The following ARHGAP20 variants were observed in gnomAD, a reference collection of about 807,000 sequenced individuals.
The protein encoded by ARHGAP20 is rho GTPase-activating protein 20.
A neutral mutation model predicts 73.7 loss-of-function variants in ARHGAP20; 34 were observed. The ratio of observed to expected loss-of-function variants is 0.46; its 90% CI spans 0.35 to 0.61. The LOEUF (loss-of-function observed/expected upper bound fraction) is 0.61. Among genes scored for constraint, ARHGAP20 ranks in the 20% least tolerant of loss-of-function variants. ARHGAP20 has a pLI of 0.00. For synonymous variants in ARHGAP20, 523 were observed against 518.2 expected, an observed-to-expected ratio of 1.01 and a Z score of -0.13; for missense variants, 1,314 against 1,420.9, an observed-to-expected ratio of 0.92 and a Z score of 1.21.
rs182236135 is a variant in ARHGAP20 at position 110,666,790 on chromosome 11, T to A, written c.188+23757A>T. 4.6e-5 allele frequency among the ~76,000 whole-genome samples: 7 copies of A among 152,340 alleles called. No individual in the cohort carries two copies. In the East Asian group the frequency reaches 1.3e-3, roughly 29 times the overall value. Reference sequence around the variant, plus strand: ...TCAGTAATCTTTGATGTTACTATTGTAATTGTTTTGGGGCACTGTGAATTA... The same window carrying A: ...TCAGTAATCTTTGATGTTACTATTGAAATTGTTTTGGGGCACTGTGAATTA... On this transcript the variant is annotated intron_variant, in intron 2 of 14. Transcript: ENST00000683387.
At chr11:110,701,812 T>G (rs1229240127) in intron 1 of ARHGAP20, among the ~76,000 whole-genome samples, 2 of 151,992 alleles carry the variant, frequency 1.3e-5, no homozygotes, top group African/African-American at 4.8e-5. Flanking sequence ...GCTAGCCAGT[T>G]TTCCCAGCAC....
intron 4 of ARHGAP20, among the ~76,000 whole-genome samples, chr11:110,623,748 G>A (rs565004164): frequency 3.3e-5 from 5 of 152,034 alleles, no homozygotes; most frequent in Non-Finnish European, 7.4e-5. Context: ...AGCTCAATAC[G>A]TAAAACAAAT....
intron 9 of ARHGAP20, among the ~76,000 whole-genome samples, chr11:110,603,289 T>C (rs921589045): frequency 2.6e-5 from 4 of 152,172 alleles, no homozygotes; most frequent in Non-Finnish European, 5.9e-5. Context: ...AGGGCCCAGA[T>C]TGAACTTGTT....
chr11:110,640,711 T>A lies in ARHGAP20; in HGVS notation c.189-9919A>T, dbSNP rs1949059922. The stretch of plus-strand genomic sequence containing the variant: ...ATAACATGTAGTGATTATAACAATG[T>A]GATTGTATGTAATATGTACTGTAAC... On this transcript the variant is annotated intron_variant, in intron 2 of 14. Coordinates refer to ENST00000683387, the MANE Select transcript of ARHGAP20 (RefSeq NM_001384657.1). Among the ~76,000 whole-genome samples the A allele has an allele frequency of 2.1e-5, 3 of 143,664 alleles. No individual in the cohort carries two copies. In the South Asian group the frequency reaches 6.4e-4, roughly 31 times the overall value. The allele number at this position is 143,664 out of a possible 152,430, so 94.2% of individuals were successfully genotyped here.
intron 4 of ARHGAP20, 25 bp downstream of exon 4, chr11:110,624,133 GTAAA>G: frequency 1.3e-6 from 2 of 1,599,820 alleles, no homozygotes; most frequent in Non-Finnish European, 1.7e-6. Context: ...GCTAACCCAG[GTAAA>G]TAGAGGACAA....
rs544289695 is a variant in ARHGAP20, at chr11:110,702,504, C to G, written c.105+9623G>C. Among the ~76,000 whole-genome samples the G allele has an allele frequency of 2.0e-5, 3 of 152,274 alleles. No individual in the cohort carries two copies. The South Asian group carries it at 6.2e-4, about 32-fold the overall frequency. On this transcript the variant is annotated intron_variant, in intron 1 of 14. Transcript: ENST00000683387. ...ACAGGGATGCCCTCTCTCACCATTC[C>G]TATTCAACATAGTGTTGGAAGTTCT...
chr11:110,625,358 A>C (rs1948722278), intron 3 of ARHGAP20, among the ~76,000 whole-genome samples: 1 of 152,146 alleles, frequency 6.6e-6, no homozygotes. Flanking sequence ...AAATGTTTAT[A>C]AAATTTTCAT....
intron 2 of ARHGAP20, among the ~76,000 whole-genome samples, chr11:110,678,961 C>T (rs995890888): frequency 2.6e-5 from 4 of 152,212 alleles, no homozygotes; most frequent in Non-Finnish European, 4.4e-5. Flanking sequence ...CCACTGTACC[C>T]GGCCAAACAA....
Position 110,577,083 on chromosome 11 carries a change from G to A in ARHGAP20, c.*2287C>T, listed in dbSNP as rs946793787. The A allele has an allele frequency of 5.9e-6, 9 of 1,514,738 alleles. No homozygotes were observed. Among genetic ancestry groups the A allele is most frequent in the Middle Eastern group, 1.8e-4 (1 of 5,590 alleles). 93.8% of individuals were successfully genotyped at this position (1,514,738 alleles called of 1,614,324 possible). ...AGAATGGCATTTTATTTAACAGACA[G>A]CATGGACTTCATACATATCCATTAT... On this transcript the variant is annotated 3_prime_UTR_variant, in exon 15 of 15. Coordinates refer to ENST00000683387, the MANE Select transcript of ARHGAP20 (RefSeq NM_001384657.1).
rs149514977 is a variant in ARHGAP20 at position 110,579,729 on chromosome 11, G to T, written c.3217C>A (p.Pro1073Thr). Reference sequence around the variant, plus strand: ...GGAACACCAGAAGCATGTGGGGGTGGCTCTAAGGGTCCTTTTGGAGAAGCT... The same window carrying T: ...GGAACACCAGAAGCATGTGGGGGTGTCTCTAAGGGTCCTTTTGGAGAAGCT... ...KIASPKGPLE[P>T]PPHASGVPEA... The change falls in exon 15 of 15, where the codon CCA (proline) becomes ACA (threonine). Residue 1073 changes from proline to threonine, a missense_variant. Around this residue, in one of 3 missense-constraint regions of ARHGAP20, gnomAD observed 641 missense variants for 636.9 expected, o/e 1.01. Coordinates refer to ENST00000683387, the MANE Select transcript of ARHGAP20 (RefSeq NM_001384657.1). The T allele has an allele frequency of 2.5e-6, 4 of 1,614,052 alleles. No homozygotes were observed. In the Admixed American group the frequency reaches 6.7e-5, roughly 27 times the overall value.
At position 110,583,704 on chromosome 11, in the gene ARHGAP20, A is replaced by C. The variant is rs1230028645; in HGVS notation, c.1449T>G (p.Val483=). 7 of 1,599,280 alleles carry C rather than the reference A, an allele frequency of 4.4e-6. No individual in the cohort carries two copies. Among genetic ancestry groups the C allele is most frequent in the Non-Finnish European group, 6.0e-6 (7 of 1,170,466 alleles). Residue 483 remains valine, a synonymous_variant, in exon 13 of 15, where the codon GTT becomes GTG. Transcript: ENST00000683387. ...LLDQLPRANV[V]LLRYLFGVLH... ...ACACCCCAAAAAGATACCTTAGGAG[A>C]ACAACATTGGCTCTCGGAAGCTGGT...
chr11:110,606,898 C>T, intron 8 of ARHGAP20, 149 bp from the exon 9 acceptor site: 1 of 658,190 alleles, frequency 1.5e-6, no homozygotes, highest in Non-Finnish European at 2.3e-6. Flanking sequence ...TACACTCTTA[C>T]AGTTGGAGAC....
At chr11:110,587,779 G>A (rs1012885841) in intron 11 of ARHGAP20, among the ~76,000 whole-genome samples, 1 of 151,390 alleles carries the variant, frequency 6.6e-6, no homozygotes, top group South Asian at 2.1e-4. Context: ...TTTTTAGAAT[G>A]TTTAACAAGA....
chr11:110,611,755 G>A (rs1304128936), intron 6 of ARHGAP20, among the ~76,000 whole-genome samples: 3 of 152,064 alleles, frequency 2.0e-5, no homozygotes, highest in African/African-American at 7.3e-5. Context: ...AAGGCAATGG[G>A]TAATAAAAAA....
chr11:110,664,641 T>C (rs1331943735), intron 2 of ARHGAP20, among the ~76,000 whole-genome samples: 6 of 144,180 alleles, frequency 4.2e-5, no homozygotes, highest in Non-Finnish European at 9.0e-5. Flanking sequence ...GGCAGGAGAA[T>C]GGCGTGAACC....
intron 2 of ARHGAP20, among the ~76,000 whole-genome samples, chr11:110,663,300 A>G (rs183147876): frequency 6.6e-6 from 1 of 150,590 alleles, no homozygotes; most frequent in East Asian, 1.9e-4. Context: ...TAGACTGTTC[A>G]GGAATATGAG....
chr11:110,580,286 C>T lies in ARHGAP20; in HGVS notation c.2660G>A (p.Arg887Gln), dbSNP rs565463990. 2.6e-5 allele frequency: 42 copies of T among 1,614,174 alleles called. No homozygotes were observed. The highest frequency in any genetic ancestry group is 1.3e-4 in the South Asian group (12 of 91,078). Residue 887 changes from arginine to glutamine, a missense_variant, in exon 15 of 15, where the codon CGG (arginine) becomes CAG (glutamine). Arg to Gln is a conservative substitution (Grantham distance 43, BLOSUM62 1). Coordinates refer to ENST00000683387, the MANE Select transcript of ARHGAP20 (RefSeq NM_001384657.1). ...CCCCTCCATTTGCAAAGACTTATGC[C>T]GTTTGAGATAATCCTCCTCTCCATG... The part of the protein sequence containing the change: ...LLHGEEDYLK[R>Q]HKSLQMEGQK...
At chr11:110,607,418 TA>T (rs1355323355) in intron 8 of ARHGAP20, among the ~76,000 whole-genome samples, 5 of 152,154 alleles carry the variant, frequency 3.3e-5, no homozygotes, top group Non-Finnish European at 7.4e-5. Context: ...ATACAGACTA[TA>T]AAAACTAAAC....
At chr11:110,643,029 T>A (rs1949108695) in intron 2 of ARHGAP20, among the ~76,000 whole-genome samples, 2 of 152,102 alleles carry the variant, frequency 1.3e-5, no homozygotes, top group South Asian at 4.1e-4. Context: ...TTTCCAGGAA[T>A]TTGTCCATCT....
Sources: gnomAD v4.1 joint callset for allele counts (sites outside exome capture counted in the v4.1 genomes callset) on GRCh38, gnomAD v4.1.1 for gene constraint, gnomAD v4.1.1 regional missense constraint, MANE v1.5 for transcripts, NCBI Gene and HGNC (gene_info 2026-07-23, HGNC 2026-07-21) for gene names.